Variants in TMEM178B observed in about 807,000 individuals in gnomAD.
TMEM178B encodes transmembrane protein 178B.
TMEM178B carries 5 observed loss-of-function variants against 31.0 expected under a neutral mutation model. The observed-to-expected ratio is 0.16, with a 90% CI of 0.08 to 0.34. The LOEUF is 0.34. Ranked by LOEUF, TMEM178B falls within the 10% of genes least tolerant of loss-of-function variation. TMEM178B has a pLI of 1.00. For synonymous variants in TMEM178B, 164 were observed against 164.0 expected, an observed-to-expected ratio of 1.00 and a Z score of 0.00; for missense variants, 275 against 400.3, an observed-to-expected ratio of 0.69 and a Z score of 2.67.
intron 1 of TMEM178B, among the ~76,000 whole-genome samples, chr7:141,170,617 C>A (rs1399513623): frequency 6.6e-6 from 1 of 152,102 alleles, no homozygotes; most frequent in African/African-American, 2.4e-5. Context: ...CTCTCAAATT[C>A]CCCCCCATAT....
At chr7:141,459,951 A>G (rs1802033376) in intron 3 of TMEM178B, among the ~76,000 whole-genome samples, 1 of 152,100 alleles carries the variant, frequency 6.6e-6, no homozygotes, top group South Asian at 2.1e-4. Context: ...ATGGAGAAAA[A>G]AAAAAAAAAA....
chr7:141,311,967 C>T (rs575877233), intron 2 of TMEM178B, among the ~76,000 whole-genome samples: 10 of 152,282 alleles, frequency 6.6e-5, no homozygotes, highest in Admixed American at 2.6e-4. Flanking sequence ...TGATTAGCAC[C>T]GTTGAAATAC....
At chr7:141,433,966 T>A (rs981479420) in intron 2 of TMEM178B, among the ~76,000 whole-genome samples, 3 of 152,228 alleles carry the variant, frequency 2.0e-5, no homozygotes, top group Non-Finnish European at 2.9e-5. Context: ...CAGCTTCTGC[T>A]GACAAAGCCC....
intron 2 of TMEM178B, among the ~76,000 whole-genome samples, chr7:141,271,731 T>C (rs1798188957): frequency 6.6e-6 from 1 of 152,326 alleles, no homozygotes; most frequent in South Asian, 2.1e-4. Context: ...ATACTGAACA[T>C]TGACTGCGGG....
chr7:141,307,610 T>C (rs985482076), intron 2 of TMEM178B, among the ~76,000 whole-genome samples: 1 of 152,220 alleles, frequency 6.6e-6, no homozygotes, highest in African/African-American at 2.4e-5. Context: ...CTAATGGGTG[T>C]GATTGAGGGG....
chr7:141,440,077 C>A (rs1215993204), intron 3 of TMEM178B, among the ~76,000 whole-genome samples: 1 of 152,248 alleles, frequency 6.6e-6, no homozygotes, highest in Non-Finnish European at 1.5e-5. Context: ...TGGGCTATAT[C>A]CCACTTAACT....
chr7:141,239,238 C>A (rs1214962284), intron 2 of TMEM178B, among the ~76,000 whole-genome samples: 4 of 152,218 alleles, frequency 2.6e-5, no homozygotes, highest in African/African-American at 9.6e-5. Flanking sequence ...TAGGTGGGTT[C>A]ATCCAGAAGC....
the TMEM178B span, among the ~76,000 whole-genome samples, chr7:141,505,097 T>G: frequency 6.6e-6 from 1 of 152,228 alleles, no homozygotes; most frequent in African/African-American, 2.4e-5. Context: ...TGATCTGGTT[T>G]TATTGAAGAT....
At position 141,106,952 on chromosome 7, in the gene TMEM178B, T is replaced by C. The variant is rs80166293; in HGVS notation, c.382+32260T>C. Among the ~76,000 whole-genome samples the C allele has an allele frequency of 9.1e-3, 1,380 of 152,294 alleles. 16 individuals are homozygous for C. Among genetic ancestry groups the C allele is most frequent in the Middle Eastern group, 0.065 (19 of 294 alleles). ...AACAATTGGAGGCTGATGAATGTTT[T>C]GGGAAAAGATGGATCAAGGTAAAGA... On this transcript the variant is annotated intron_variant, in intron 1 of 3. Coordinates refer to ENST00000565468, the MANE Select transcript of TMEM178B (RefSeq NM_001195278.2).
intron 1 of TMEM178B, among the ~76,000 whole-genome samples, chr7:141,145,659 A>G (rs1374591410): frequency 6.6e-6 from 1 of 152,242 alleles, no homozygotes; most frequent in Non-Finnish European, 1.5e-5. Context: ...GAATATCACC[A>G]GCAGAGTTCA....
Position 141,074,277 on chromosome 7 carries a change from G to T in TMEM178B, c.-34G>T. 6.8e-7 allele frequency: 1 copy of T among 1,477,642 alleles called. No homozygotes were observed. The highest frequency in any genetic ancestry group is 1.3e-5 in the South Asian group (1 of 75,938). The allele number at this position is 1,477,642 out of a possible 1,614,324, so 91.5% of individuals were successfully genotyped here. On this transcript the variant is annotated 5_prime_UTR_variant, in exon 1 of 4. Transcript: ENST00000565468. This position sits in a 1 kb window ranked among gnomAD's most constrained non-coding sequence, Gnocchi z 5.1. ...GGCGAGGGAAGGCGAGGCTGCGGCG[G>T]ATCATGCCCATGGTGTAGCCGCCAA...
chr7:141,356,826 C>T (rs527278902), intron 2 of TMEM178B, among the ~76,000 whole-genome samples: 2 of 152,018 alleles, frequency 1.3e-5, no homozygotes, highest in South Asian at 4.2e-4. Flanking sequence ...TCATACCATC[C>T]CTCCTTCCAA....
chr7:141,269,336 C>T lies in TMEM178B; in HGVS notation c.496+56632C>T, dbSNP rs1340110282. On this transcript the variant is annotated intron_variant, in intron 2 of 3. Coordinates refer to ENST00000565468, the MANE Select transcript of TMEM178B (RefSeq NM_001195278.2). ...GAACTCCTGACCTCAGGTGATCTGC[C>T]TGCTTCAGCCTCCCAAAGTGCTTTC... Among the ~76,000 whole-genome samples, 6 of 152,258 alleles carry T rather than the reference C, an allele frequency of 3.9e-5. No individual in the cohort carries two copies. The East Asian group carries it at 9.7e-4, about 25-fold the overall frequency.
At chr7:141,341,752 TA>T (rs1799519097) in intron 2 of TMEM178B, among the ~76,000 whole-genome samples, 1 of 150,246 alleles carries the variant, frequency 6.7e-6, no homozygotes, top group African/African-American at 2.5e-5. Context: ...TCCTTTTAAC[TA>T]GAAAAAAAAA....
rs564702069 is a variant in TMEM178B at position 141,119,112 on chromosome 7, G to A, written c.382+44420G>A. 6.4e-4 allele frequency among the ~76,000 whole-genome samples: 97 copies of A among 152,332 alleles called. 1 individual carries two copies. Among genetic ancestry groups the A allele is most frequent in the Admixed American group, 1.3e-3 (20 of 15,306 alleles). Reference sequence around the variant, plus strand: ...AAAGGAAGCCTGCAGAGGCTGAGCCGTTGAGCAGGTTAGTGCTGGGGGCAC... The same window carrying A: ...AAAGGAAGCCTGCAGAGGCTGAGCCATTGAGCAGGTTAGTGCTGGGGGCAC... On this transcript the variant is annotated intron_variant, in intron 1 of 3. Coordinates refer to ENST00000565468, the MANE Select transcript of TMEM178B (RefSeq NM_001195278.2).
At chr7:141,254,046 G>A (rs1208393230) in intron 2 of TMEM178B, among the ~76,000 whole-genome samples, 1 of 152,154 alleles carries the variant, frequency 6.6e-6, no homozygotes, top group Non-Finnish European at 1.5e-5. Context: ...TTGGAATTTT[G>A]CTTTTTGAAA....
In TMEM178B at chr7:141,461,242, G is replaced by T. The variant is rs1031948658; in HGVS notation, c.635-9294G>T. Among the ~76,000 whole-genome samples the T allele has an allele frequency of 6.6e-6, 1 of 152,220 alleles. No individual in the cohort carries two copies. The highest frequency in any genetic ancestry group is 2.4e-5 in the African/African-American group (1 of 41,454). ...TCTGACCTCCCTGATACACAGCCAC[G>T]TGGGTGTTTCTGCAGAGCCTGCCTT... is the stretch of plus-strand genomic sequence containing the variant. On this transcript the variant is annotated intron_variant, in intron 3 of 3. Coordinates refer to ENST00000565468, the MANE Select transcript of TMEM178B (RefSeq NM_001195278.2). This position sits in a 1 kb window ranked among gnomAD's most constrained non-coding sequence, Gnocchi z 4.0.
At chr7:141,444,429 C>T (rs1008081120) in intron 3 of TMEM178B, among the ~76,000 whole-genome samples, 1 of 152,170 alleles carries the variant, frequency 6.6e-6, no homozygotes. Flanking sequence ...CAGTAAAATA[C>T]CCCATCTTAT....
the TMEM178B span, among the ~76,000 whole-genome samples, chr7:141,489,267 G>T: frequency 6.6e-6 from 1 of 152,256 alleles, no homozygotes; most frequent in East Asian, 1.9e-4. Context: ...CTCCAGCCTT[G>T]ATCTGGAAGC....
Sources: gnomAD v4.1 joint callset for allele counts (sites outside exome capture counted in the v4.1 genomes callset) on GRCh38, gnomAD v4.1.1 for gene constraint, Gnocchi (gnomAD v3.1) non-coding constraint, MANE v1.5 for transcripts, NCBI Gene and HGNC (gene_info 2026-07-23, HGNC 2026-07-21) for gene names.